The following PDE1C variants were observed in gnomAD, a reference collection of about 807,000 sequenced individuals.
PDE1C encodes phosphodiesterase 1C, also known as dual specificity calcium/calmodulin-dependent 3',5'-cyclic nucleotide phosphodiesterase 1C.
A neutral mutation model predicts 93.1 loss-of-function variants in PDE1C; 62 were observed. The ratio of observed to expected loss-of-function variants is 0.67; its 90% CI spans 0.54 to 0.82. The LOEUF is 0.82. PDE1C is among the 40% of genes least tolerant of loss of function. The pLI, the probability that PDE1C is intolerant of heterozygous loss-of-function variation, is 0.00. For missense variants in PDE1C, 742 were observed against 884.6 expected (o/e 0.84, Z 2.04); for synonymous variants, 325 against 310.1 (o/e 1.05, Z -0.50).
At chr7:32,004,155 T>C (rs2128566444) in intron 2 of PDE1C, among the ~76,000 whole-genome samples, 1 of 152,192 alleles carries the variant, frequency 6.6e-6, no homozygotes, top group Admixed American at 6.5e-5. Context: ...CCAAGATCAC[T>C]AGAAAGATCT....
chr7:32,177,501 C>G (rs1407142025), intron 2 of PDE1C, among the ~76,000 whole-genome samples: 1 of 152,194 alleles, frequency 6.6e-6, no homozygotes, highest in South Asian at 2.1e-4. Context: ...GTCCTCCTCT[C>G]AGGGGTGTGC....
At chr7:32,189,944 G>A (rs1391795669) in intron 2 of PDE1C, among the ~76,000 whole-genome samples, 2 of 152,262 alleles carry the variant, frequency 1.3e-5, no homozygotes, top group East Asian at 1.9e-4. Flanking sequence ...CTTCTAAGAT[G>A]TCTTCTTCTG....
chr7:32,381,431 A>G (rs1784531891), intron 1 of PDE1C, among the ~76,000 whole-genome samples: 1 of 152,014 alleles, frequency 6.6e-6, no homozygotes, highest in Non-Finnish European at 1.5e-5. Context: ...ATAAAATCCA[A>G]TATCCTTATC....
chr7:31,953,798 A>G (rs1298822656), intron 2 of PDE1C, among the ~76,000 whole-genome samples: 1 of 152,168 alleles, frequency 6.6e-6, no homozygotes, highest in Non-Finnish European at 1.5e-5. Context: ...AACCAGAAAA[A>G]GAAAGGAAAA....
intron 2 of PDE1C, among the ~76,000 whole-genome samples, chr7:32,019,301 A>C (rs1438276670): frequency 1.3e-5 from 2 of 152,132 alleles, no homozygotes; most frequent in Non-Finnish European, 2.9e-5. Context: ...TGCTGAAAGA[A>C]GGAATCAATT....
intron 1 of PDE1C, among the ~76,000 whole-genome samples, chr7:32,308,795 G>A (rs1813089830): frequency 6.6e-6 from 1 of 151,914 alleles, no homozygotes; most frequent in South Asian, 2.1e-4. Flanking sequence ...CACAAAGATG[G>A]GGAAAAAACA....
chr7:32,029,945 G>C (rs191854236), intron 2 of PDE1C, among the ~76,000 whole-genome samples: 51 of 152,172 alleles, frequency 3.4e-4, no homozygotes, highest in Non-Finnish European at 6.9e-4. Flanking sequence ...ATCATTAAGA[G>C]AACATCCCAA....
At chr7:31,836,842 T>C (rs928709089) in intron 11 of PDE1C, among the ~76,000 whole-genome samples, 3 of 151,950 alleles carry the variant, frequency 2.0e-5, no homozygotes, top group African/African-American at 7.3e-5. Context: ...CTTAATCCCA[T>C]AGGGTGATGC....
chr7:31,716,038 C>A, the PDE1C span, among the ~76,000 whole-genome samples: 1 of 152,152 alleles, frequency 6.6e-6, no homozygotes, highest in East Asian at 1.9e-4. Flanking sequence ...AGCTAAGGAC[C>A]AACTGCGTGC....
intron 2 of PDE1C, among the ~76,000 whole-genome samples, chr7:32,024,949 T>G (rs566022219): frequency 3.3e-5 from 5 of 152,122 alleles, no homozygotes; most frequent in Non-Finnish European, 7.4e-5. Flanking sequence ...GGAAAAGTGA[T>G]GTCTTCAAGT....
chr7:31,698,504 C>A, the PDE1C span, among the ~76,000 whole-genome samples: 1 of 152,284 alleles, frequency 6.6e-6, no homozygotes, highest in East Asian at 1.9e-4. Flanking sequence ...TTCTACATAC[C>A]AGCTTTTCTA....
intron 2 of PDE1C, among the ~76,000 whole-genome samples, chr7:32,186,932 T>C (rs1208896437): frequency 1.3e-5 from 2 of 152,178 alleles, no homozygotes; most frequent in Non-Finnish European, 2.9e-5. Context: ...GATAGAAAAT[T>C]ACTCATTTTG....
intron 3 of PDE1C, among the ~76,000 whole-genome samples, chr7:32,090,004 A>G (rs1253168865): frequency 2.0e-5 from 3 of 152,152 alleles, no homozygotes; most frequent in African/African-American, 7.2e-5. Context: ...AACTTATCCT[A>G]TTCCTTTTAT....
At chr7:32,173,208 G>C (rs543371505) in intron 2 of PDE1C, among the ~76,000 whole-genome samples, 1 of 152,276 alleles carries the variant, frequency 6.6e-6, no homozygotes, top group Non-Finnish European at 1.5e-5. Context: ...CATGTCCTTT[G>C]CAGGGACATG....
intron 2 of PDE1C, among the ~76,000 whole-genome samples, chr7:32,036,945 C>G (rs1376372035): frequency 6.6e-6 from 1 of 152,182 alleles, no homozygotes; most frequent in African/African-American, 2.4e-5. Context: ...TTTTAACAGA[C>G]CTTGCTGGTA....
exon 1 of PDE1C, chr7:32,298,843 G>T (rs1048388106): frequency 7.0e-7 from 1 of 1,423,220 alleles, no homozygotes; most frequent in Non-Finnish European, 9.1e-7. Flanking sequence ...TCCCCCGGCC[G>T]CGCCGCGCTG....
chr7:32,039,776 C>G (rs1469815192), intron 2 of PDE1C, among the ~76,000 whole-genome samples: 2 of 152,164 alleles, frequency 1.3e-5, no homozygotes, highest in African/African-American at 2.4e-5. Context: ...TCTCTACCCC[C>G]ACAAGTAAGG....
intron 1 of PDE1C, among the ~76,000 whole-genome samples, chr7:32,411,299 T>C (rs958895327): frequency 6.6e-6 from 1 of 152,240 alleles, no homozygotes; most frequent in African/African-American, 2.4e-5. Context: ...ATTTCATTAT[T>C]GCATGAACAT....
chr7:32,255,882 G>A (rs540383329), intron 1 of PDE1C, among the ~76,000 whole-genome samples: 2 of 152,280 alleles, frequency 1.3e-5, no homozygotes, highest in South Asian at 4.1e-4. Flanking sequence ...GGTGGACTAT[G>A]GTGAGAAATT....
Sources: allele counts gnomAD v4.1 joint callset (sites outside exome capture counted in the v4.1 genomes callset), GRCh38; gene constraint gnomAD v4.1.1; transcripts MANE v1.5; gene names NCBI Gene and HGNC (gene_info 2026-07-23, HGNC 2026-07-21).